ARL17B: variants seen among roughly 807,000 people sequenced by gnomAD.
The protein encoded by ARL17B is ADP-ribosylation factor-like protein 17.
intron 4 of ARL17B, among the ~76,000 whole-genome samples, chr17:46,282,904 A>C (rs2049808804): frequency 6.6e-6 from 1 of 152,170 alleles, no homozygotes; most frequent in African/African-American, 2.4e-5. Flanking sequence ...GGATCACCTG[A>C]GGTCAGGAGT....
intron 4 of ARL17B, among the ~76,000 whole-genome samples, chr17:46,283,111 C>G (rs1426156435): frequency 1.3e-5 from 2 of 151,996 alleles, no homozygotes; most frequent in African/African-American, 4.8e-5. Flanking sequence ...GGGTGAGACT[C>G]CATCTCAAAA....
chr17:46,282,082 T>G (rs2049777447), intron 4 of ARL17B, among the ~76,000 whole-genome samples: 1 of 152,212 alleles, frequency 6.6e-6, no homozygotes, highest in Non-Finnish European at 1.5e-5. Context: ...TAGCTGGGCT[T>G]GTCCTTCAGT....
At chr17:46,331,798 G>A, downstream of ARL17B, 1 of 542,232 alleles carries the variant, frequency 1.8e-6, no homozygotes, top group Non-Finnish European at 3.1e-6. Flanking sequence ...ACTGCTCTGG[G>A]GCCCATGTGC....
intron 4 of ARL17B, among the ~76,000 whole-genome samples, chr17:46,289,427 T>C (rs2050007532): frequency 6.6e-6 from 1 of 152,202 alleles, no homozygotes; most frequent in Admixed American, 6.5e-5. Context: ...TGCCTTTGCC[T>C]CCCAAAGTGC....
At chr17:46,289,957 A>T (rs1259900252) in intron 4 of ARL17B, among the ~76,000 whole-genome samples, 1 of 152,200 alleles carries the variant, frequency 6.6e-6, no homozygotes, top group Non-Finnish European at 1.5e-5. Context: ...CATCTCTACT[A>T]AAAATACAAA....
chr17:46,332,893 C>T (rs1238608962), downstream of ARL17B, among the ~76,000 whole-genome samples: 6 of 151,348 alleles, frequency 4.0e-5, no homozygotes, highest in African/African-American at 1.2e-4. Flanking sequence ...TCCCACTAGA[C>T]TATTTTAAGA....
intron 4 of ARL17B, among the ~76,000 whole-genome samples, chr17:46,282,788 AAGAG>A (rs200019631): frequency 1.3e-5 from 2 of 151,642 alleles, no homozygotes; most frequent in East Asian, 1.9e-4. Flanking sequence ...CTTGCTACAG[AAGAG>A]AGAAAGCACC....
In ARL17B at chr17:46,282,671, C is replaced by T. The variant is rs1391507685; in HGVS notation, c.*22-7253G>A. ...TCCTGGCTTCAAGCTATTCTCCCCA[C>T]TCGGCTTCCCAAAGTACTGGGATTA... On this transcript the variant is annotated intron_variant, in intron 4 of 4. Coordinates refer to the ARL17B transcript ENST00000570618. Among the ~76,000 whole-genome samples the T allele has an allele frequency of 5.3e-5, 8 of 152,188 alleles. No individual in the cohort carries two copies. The East Asian group carries it at 1.5e-3, about 29-fold the overall frequency.
At chr17:46,288,363 C>T (rs1371524723) in intron 4 of ARL17B, among the ~76,000 whole-genome samples, 1 of 140,870 alleles carries the variant, frequency 7.1e-6, no homozygotes, top group African/African-American at 2.7e-5. Flanking sequence ...GGCTGGAGTA[C>T]AGTGGCATGA....
chr17:46,276,230 C>A (rs1159897146), intron 4 of ARL17B, among the ~76,000 whole-genome samples: 1 of 152,210 alleles, frequency 6.6e-6, no homozygotes, highest in Non-Finnish European at 1.5e-5. Context: ...TGTACAGTTA[C>A]CAGGACTAAG....
intron 4 of ARL17B, among the ~76,000 whole-genome samples, chr17:46,282,346 GC>G (rs1174081403): frequency 1.3e-5 from 2 of 151,208 alleles, no homozygotes; most frequent in African/African-American, 4.9e-5. Context: ...TTCGTGATCC[GC>G]CCCACTCGGC....
chr17:46,290,495 G>T (rs1386879573), intron 4 of ARL17B, among the ~76,000 whole-genome samples: 1 of 152,226 alleles, frequency 6.6e-6, no homozygotes, highest in Non-Finnish European at 1.5e-5. Context: ...GTCTCGCTCT[G>T]TCGTGCAGTG....
chr17:46,276,173 G>A (rs2049582310), intron 4 of ARL17B, among the ~76,000 whole-genome samples: 1 of 152,216 alleles, frequency 6.6e-6, no homozygotes. Context: ...TTACAAGTGT[G>A]AGCCACCAAG....
At chr17:46,277,363 TC>T (rs1189264492) in intron 4 of ARL17B, among the ~76,000 whole-genome samples, 1 of 152,168 alleles carries the variant, frequency 6.6e-6, no homozygotes, top group Non-Finnish European at 1.5e-5. Context: ...CCAGCAGTCA[TC>T]CTCTGGGCTC....
At chr17:46,278,862 G>A (rs1271577447) in intron 4 of ARL17B, among the ~76,000 whole-genome samples, 1 of 151,560 alleles carries the variant, frequency 6.6e-6, no homozygotes, top group African/African-American at 2.4e-5. Context: ...CAATGGCATG[G>A]TTTTGGCTCA....
In ARL17B at chr17:46,312,308, A is replaced by C. The variant is rs1312863931; in HGVS notation, c.260-12643T>G. 3.1e-4 allele frequency among the ~76,000 whole-genome samples: 5 copies of C among 16,206 alleles called. 2 individuals are homozygous for C. Among genetic ancestry groups the C allele is most frequent in the African/African-American group, 4.1e-4 (5 of 12,088 alleles). 10.6% of individuals were successfully genotyped at this position (16,206 alleles called of 152,430 possible). The stretch of plus-strand genomic sequence containing the variant: ...ATTAGGGACAAATGCAAAGATCCTA[A>C]TGTCAGCTGGAGAAGAGCTTCCTAG... On this transcript the variant is annotated intron_variant, in intron 3 of 4. Coordinates refer to the ARL17B transcript ENST00000434041.
In ARL17B at chr17:46,357,144, G is replaced by A. The variant is rs908470560; in HGVS notation, c.148+1106C>T. 4.3e-5 allele frequency among the ~76,000 whole-genome samples: 4 copies of A among 92,972 alleles called. 1 individual carries two copies. Among genetic ancestry groups the A allele is most frequent in the Non-Finnish European group, 8.1e-5 (4 of 49,222 alleles). 61.0% of individuals were successfully genotyped at this position (92,972 alleles called of 152,430 possible). ...GCCGAGATCGCGCCACTGTACTTCA[G>A]CCTGGGGTGACAGAGCGAGACTCTA... On this transcript the variant is annotated intron_variant, in intron 2 of 3. Transcript: ENST00000450673.
intron 4 of ARL17B, among the ~76,000 whole-genome samples, chr17:46,283,898 CAAGGTA>C (rs2049837914): frequency 1.3e-5 from 2 of 152,230 alleles, no homozygotes; most frequent in African/African-American, 4.8e-5. Flanking sequence ...GCATCATAGA[CAAGGTA>C]AAGAATTAAG....
At chr17:46,332,932 C>T (rs1439070010), downstream of ARL17B, among the ~76,000 whole-genome samples, 9 of 151,454 alleles carry the variant, frequency 5.9e-5, no homozygotes, top group Non-Finnish European at 1.2e-4. Flanking sequence ...ATTTCTCCCA[C>T]CCAAAACTAT....
Sources: allele counts gnomAD v4.1 joint callset (sites outside exome capture counted in the v4.1 genomes callset), GRCh38; gene constraint gnomAD v4.1.1; transcripts MANE v1.5; gene names NCBI Gene and HGNC (gene_info 2026-07-23, HGNC 2026-07-21).